Variants in MAST4 observed in about 807,000 individuals in gnomAD.
The protein encoded by MAST4 is microtubule associated serine/threonine kinase family member 4.
In MAST4, 89 loss-of-function variants were observed where a neutral mutation model predicts 162.7. The ratio of observed to expected loss-of-function variants is 0.55; its 90% CI spans 0.46 to 0.65. The LOEUF is 0.65. MAST4 is among the 30% of genes least tolerant of loss of function. The pLI, the probability that MAST4 is intolerant of heterozygous loss-of-function variation, is 0.00. For missense variants in MAST4, 3,153 were observed against 3,374.0 expected (o/e 0.93, Z 1.62); for synonymous variants, 1,479 against 1,361.1 (o/e 1.09, Z -1.91).
intron 3 of MAST4, among the ~76,000 whole-genome samples, chr5:66,834,179 G>T (rs1381770015): frequency 6.6e-6 from 1 of 151,884 alleles, no homozygotes; most frequent in East Asian, 1.9e-4. Context: ...TTAATAGAGG[G>T]TTTGTTGTAA....
intron 1 of MAST4, among the ~76,000 whole-genome samples, chr5:66,655,447 A>G (rs1746485513): frequency 6.6e-6 from 1 of 152,234 alleles, no homozygotes; most frequent in African/African-American, 2.4e-5. Context: ...GAAAGTTATT[A>G]GGAAGAACAG....
At chr5:67,065,018 AC>A (rs1191329246) in intron 5 of MAST4, among the ~76,000 whole-genome samples, 1 of 152,226 alleles carries the variant, frequency 6.6e-6, no homozygotes, top group East Asian at 1.9e-4. Context: ...GCATATAATT[AC>A]ATATTTATTG....
chr5:67,049,061 G>GTGTATATATATATATACGTA (rs538379189), intron 4 of MAST4, among the ~76,000 whole-genome samples: 1 of 75,914 alleles, frequency 1.3e-5, no homozygotes, highest in African/African-American at 5.4e-5. Flanking sequence ...ATATATATAC[G>GTGTATATATATATATACGTA]TATATATATA....
intron 1 of MAST4, among the ~76,000 whole-genome samples, chr5:66,635,146 A>G (rs1490756737): frequency 6.6e-6 from 1 of 152,190 alleles, no homozygotes; most frequent in Non-Finnish European, 1.5e-5. Flanking sequence ...CTGGCTTAAA[A>G]CAGCATTATG....
At chr5:67,068,617 C>G (rs1760532348) in intron 5 of MAST4, among the ~76,000 whole-genome samples, 1 of 152,132 alleles carries the variant, frequency 6.6e-6, no homozygotes, top group African/African-American at 2.4e-5. Flanking sequence ...TATTATCTGT[C>G]AAAGAACTTG....
chr5:67,050,920 A>G (rs1758096359), intron 4 of MAST4, among the ~76,000 whole-genome samples: 1 of 152,198 alleles, frequency 6.6e-6, no homozygotes, highest in Admixed American at 6.5e-5. Flanking sequence ...GGCATGGTGA[A>G]TGGCTTCTAG....
chr5:66,880,010 A>T (rs908551697), intron 3 of MAST4, among the ~76,000 whole-genome samples: 1 of 152,236 alleles, frequency 6.6e-6, no homozygotes, highest in African/African-American at 2.4e-5. Flanking sequence ...CCTTTTTAAT[A>T]GCAAAAGATT....
At chr5:66,808,468 T>C (rs1347012191) in intron 3 of MAST4, among the ~76,000 whole-genome samples, 1 of 152,216 alleles carries the variant, frequency 6.6e-6, no homozygotes, top group Non-Finnish European at 1.5e-5. Flanking sequence ...TTAAAGATAA[T>C]GCAGAGGTCA....
intron 10 of MAST4, 24 bp downstream of exon 10, chr5:67,104,599 T>A: frequency 6.3e-7 from 1 of 1,589,470 alleles, no homozygotes. Flanking sequence ...ACCATATAGT[T>A]TTCTGATTTA....
In MAST4 at chr5:67,048,883, T is replaced by G. The variant is rs1217882105; in HGVS notation, c.675-5521T>G. Among the ~76,000 whole-genome samples, 6 of 150,670 alleles carry G rather than the reference T, an allele frequency of 4.0e-5. No individual in the cohort carries two copies. The South Asian group carries it at 6.3e-4, about 16-fold the overall frequency. ...AAAAGGTAACTGTTAATTTCTTTTG[T>G]ACAATTTCAAGTCTCTGTTTTTCCT... On this transcript the variant is annotated intron_variant, in intron 4 of 28. Transcript: ENST00000403625.
intron 1 of MAST4, among the ~76,000 whole-genome samples, chr5:66,614,807 G>A (rs1743557451): frequency 6.6e-6 from 1 of 152,188 alleles, no homozygotes; most frequent in Non-Finnish European, 1.5e-5. Flanking sequence ...CATGCAGGGA[G>A]AGATCTATAG....
chr5:66,630,125 A>G (rs1744703198), intron 1 of MAST4, among the ~76,000 whole-genome samples: 1 of 152,162 alleles, frequency 6.6e-6, no homozygotes, highest in African/African-American at 2.4e-5. Context: ...TGTCTAGACC[A>G]ACCAAATCAG....
At chr5:66,938,310 CA>C (rs919121451) in intron 4 of MAST4, among the ~76,000 whole-genome samples, 38 of 152,128 alleles carry the variant, frequency 2.5e-4, no homozygotes, top group African/African-American at 8.9e-4. Context: ...TTTAAAATGC[CA>C]TATAACTGAA....
intron 4 of MAST4, among the ~76,000 whole-genome samples, chr5:66,908,490 A>G (rs1000718053): frequency 6.0e-4 from 92 of 152,162 alleles, no homozygotes; most frequent in Non-Finnish European, 7.2e-4. Flanking sequence ...TGAATCTAAA[A>G]TGCCATTCCC....
rs146026010 is a variant in MAST4 at position 66,597,182 on chromosome 5, C to G, written c.363+164C>G. Among the ~76,000 whole-genome samples the G allele has an allele frequency of 1.7e-3, 259 of 152,300 alleles. 3 individuals carry two copies. The highest frequency in any genetic ancestry group is 5.9e-3 in the African/African-American group (247 of 41,566). ...CGGGACAACGATAGTTAGGAGCCCC[C>G]CTGTGGGTTATTGACTTCCCTGTGG... is the stretch of plus-strand genomic sequence containing the variant. On this transcript the variant is annotated intron_variant, in intron 1 of 28. Coordinates refer to ENST00000403625, the MANE Select transcript of MAST4 (RefSeq NM_001164664.2).
intron 4 of MAST4, among the ~76,000 whole-genome samples, chr5:66,978,018 G>A (rs79941102): frequency 0.018 from 2,734 of 152,246 alleles, 79 homozygotes; most frequent in African/African-American, 0.062. Flanking sequence ...CTAAGGTACT[G>A]TTGCTGTAAA....
rs139139910 is a variant in MAST4, at chr5:66,912,814, T to G, written c.674+12832T>G. Among the ~76,000 whole-genome samples the G allele has an allele frequency of 4.5e-4, 69 of 152,250 alleles. 1 individual carries two copies. In the East Asian group the frequency reaches 0.013, roughly 29 times the overall value. On this transcript the variant is annotated intron_variant, in intron 4 of 28. Transcript: ENST00000403625. Reference sequence around the variant, plus strand: ...GGTGGTGATTGTCTTGGGAGGCACTTAAAAGGAGAATTAAAACAAAGAGAC... The same window carrying G: ...GGTGGTGATTGTCTTGGGAGGCACTGAAAAGGAGAATTAAAACAAAGAGAC...
At chr5:67,063,482 C>G (rs1759873173) in intron 5 of MAST4, among the ~76,000 whole-genome samples, 1 of 152,084 alleles carries the variant, frequency 6.6e-6, no homozygotes, top group Non-Finnish European at 1.5e-5. Context: ...TCATATTTCC[C>G]TAATCTCTGG....
At chr5:66,721,171 A>T (rs548260879) in intron 1 of MAST4, among the ~76,000 whole-genome samples, 2 of 152,078 alleles carry the variant, frequency 1.3e-5, no homozygotes, top group African/African-American at 4.8e-5. Flanking sequence ...ATCTTCCATT[A>T]AGCTTCTCTT....
Sources: gnomAD v4.1 joint callset for allele counts (sites outside exome capture counted in the v4.1 genomes callset) on GRCh38, gnomAD v4.1.1 for gene constraint, MANE v1.5 for transcripts, NCBI Gene and HGNC (gene_info 2026-07-23, HGNC 2026-07-21) for gene names.